Variants in CAMTA1 observed in about 807,000 individuals in gnomAD.
The protein encoded by CAMTA1 is calmodulin-binding transcription activator 1.
In CAMTA1, 27 loss-of-function variants were observed where a neutral mutation model predicts 170.9. That is an observed-to-expected ratio of 0.16 (90% CI 0.12 to 0.22). The LOEUF is 0.22. Ranked by LOEUF, CAMTA1 falls within the 10% of genes least tolerant of loss-of-function variation. The probability of loss-of-function intolerance (pLI) is 1.00; values close to 1 mark genes in which losing one functional copy is unlikely to be tolerated. For synonymous variants in CAMTA1, 833 were observed against 891.5 expected, an observed-to-expected ratio of 0.93 and a Z score of 1.17; for missense variants, 1,619 against 2,217.2, an observed-to-expected ratio of 0.73 and a Z score of 5.42.
chr1:7,396,814 T>C (rs1248622607), intron 5 of CAMTA1, among the ~76,000 whole-genome samples: 1 of 152,188 alleles, frequency 6.6e-6, no homozygotes, highest in Non-Finnish European at 1.5e-5. Context: ...CTTGCATATG[T>C]TGAACCATCC....
At chr1:6,995,460 C>T (rs775112734) in intron 3 of CAMTA1, among the ~76,000 whole-genome samples, 9 of 151,914 alleles carry the variant, frequency 5.9e-5, no homozygotes, top group Middle Eastern at 3.4e-3. Flanking sequence ...TGCGCCACCA[C>T]GCCCAGCTAA....
At chr1:7,381,962 G>T (rs964255269) in intron 5 of CAMTA1, among the ~76,000 whole-genome samples, 3 of 152,172 alleles carry the variant, frequency 2.0e-5, no homozygotes, top group African/African-American at 7.2e-5. Context: ...AACTGGCTGG[G>T]CAACTGGTTG....
intron 3 of CAMTA1, among the ~76,000 whole-genome samples, chr1:6,954,904 A>G (rs781311524): frequency 1.3e-5 from 2 of 151,874 alleles, no homozygotes; most frequent in Non-Finnish European, 2.9e-5. Flanking sequence ...TCCCCTTCTC[A>G]AGACCACCCT....
chr1:7,700,156 T>C (rs1404296809), intron 11 of CAMTA1, among the ~76,000 whole-genome samples: 2 of 151,482 alleles, frequency 1.3e-5, no homozygotes, highest in East Asian at 3.8e-4. Flanking sequence ...TTTGTAGCTT[T>C]ACCTCTTATA....
At chr1:7,490,522 C>T (rs1229118660) in intron 6 of CAMTA1, among the ~76,000 whole-genome samples, 3 of 152,166 alleles carry the variant, frequency 2.0e-5, no homozygotes, top group South Asian at 2.1e-4. Context: ...CGTAGTGGCA[C>T]GTGCCTGCAA....
chr1:7,351,705 G>T (rs138571277), intron 5 of CAMTA1, among the ~76,000 whole-genome samples: 1 of 152,160 alleles, frequency 6.6e-6, no homozygotes, highest in African/African-American at 2.4e-5. Flanking sequence ...GGCCGGGGTC[G>T]GATCAGTCAG....
chr1:7,502,041 A>C (rs897172117), intron 6 of CAMTA1, among the ~76,000 whole-genome samples: 1 of 152,176 alleles, frequency 6.6e-6, no homozygotes, highest in Non-Finnish European at 1.5e-5. Context: ...AGCCCCCCGG[A>C]GGAGGAAGCA....
chr1:7,156,148 C>T (rs930636292), intron 4 of CAMTA1, among the ~76,000 whole-genome samples: 1 of 151,330 alleles, frequency 6.6e-6, no homozygotes, highest in Admixed American at 6.6e-5. Flanking sequence ...TGTGGTGGCA[C>T]GTGTGATCCC....
chr1:6,933,207 A>G (rs1285449470), intron 3 of CAMTA1, among the ~76,000 whole-genome samples: 3 of 152,128 alleles, frequency 2.0e-5, no homozygotes, highest in Non-Finnish European at 4.4e-5. Context: ...CTACAGGTGC[A>G]TGCCATTGTG....
At chr1:6,944,935 A>G (rs1687331509) in intron 3 of CAMTA1, among the ~76,000 whole-genome samples, 1 of 152,204 alleles carries the variant, frequency 6.6e-6, no homozygotes, top group Non-Finnish European at 1.5e-5. Context: ...TAGTAAATGC[A>G]TTTCTGACTT....
chr1:7,068,557 C>T (rs982037166), intron 3 of CAMTA1, among the ~76,000 whole-genome samples: 1 of 152,010 alleles, frequency 6.6e-6, no homozygotes, highest in African/African-American at 2.4e-5. Flanking sequence ...GTGTGAGGTG[C>T]CAGAGAAAAT....
Position 7,768,321 on chromosome 1 carries a change from A to G in CAMTA1, c.*1830A>G, listed in dbSNP as rs896619705. On this transcript the variant is annotated 3_prime_UTR_variant, in exon 23 of 23. Coordinates refer to ENST00000303635, the MANE Select transcript of CAMTA1 (RefSeq NM_015215.4). ...CCAAAGAAATCTGATGTTTTTAACA[A>G]TTAAACTGCTAATGTTAAATTGAGA... The G allele has an allele frequency of 6.5e-6, 1 of 152,778 alleles. No individual in the cohort carries two copies. The highest frequency in any genetic ancestry group is 2.1e-4 in the South Asian group (1 of 4,832). 9.5% of individuals were successfully genotyped at this position (152,778 alleles called of 1,614,324 possible).
chr1:6,872,229 A>G (rs1205046934), intron 3 of CAMTA1, among the ~76,000 whole-genome samples: 1 of 140,612 alleles, frequency 7.1e-6, no homozygotes, highest in Non-Finnish European at 1.6e-5. Context: ...ATACACCCTC[A>G]CCATCACCAC....
rs1410672158 is a variant in CAMTA1 at position 6,971,430 on chromosome 1, A to T, written c.235-119874A>T. 6.6e-6 allele frequency among the ~76,000 whole-genome samples: 1 copy of T among 152,182 alleles called. No homozygotes were observed. The highest frequency in any genetic ancestry group is 1.9e-4 in the East Asian group (1 of 5,198). ...TAAATAGAAATCCTGAAATTGTGCT[A>T]TCCCAAACTGTTTGCAAGCCCCTCA... On this transcript the variant is annotated intron_variant, in intron 3 of 22. Transcript: ENST00000303635. This position sits in a 1 kb window ranked among gnomAD's most constrained non-coding sequence, Gnocchi z 4.6.
At chr1:7,653,070 G>A (rs1453048481) in intron 7 of CAMTA1, among the ~76,000 whole-genome samples, 2 of 151,838 alleles carry the variant, frequency 1.3e-5, no homozygotes, top group South Asian at 4.1e-4. Flanking sequence ...GTGGATGCTG[G>A]GCCCCAAACC....
intron 22 of CAMTA1, among the ~76,000 whole-genome samples, chr1:7,765,871 C>A (rs1316395040): frequency 6.6e-6 from 1 of 151,840 alleles, no homozygotes; most frequent in African/African-American, 2.4e-5. Context: ...CTAAAAAATA[C>A]AGAAAATTAG....
intron 6 of CAMTA1, among the ~76,000 whole-genome samples, chr1:7,530,504 A>G (rs989616448): frequency 1.3e-5 from 2 of 152,080 alleles, no homozygotes; most frequent in Non-Finnish European, 2.9e-5. Context: ...GTCGCTGTCC[A>G]CTGTAACCCA....
chr1:7,659,771 T>C (rs2095938579), intron 7 of CAMTA1, among the ~76,000 whole-genome samples: 1 of 152,248 alleles, frequency 6.6e-6, no homozygotes. Flanking sequence ...GTCATTACTG[T>C]CATCACCATC....
intron 3 of CAMTA1, among the ~76,000 whole-genome samples, chr1:6,851,030 A>G (rs979337651): frequency 3.3e-5 from 5 of 152,178 alleles, no homozygotes; most frequent in African/African-American, 1.2e-4. Flanking sequence ...GATGAGCTCT[A>G]TGTTTATTTA....
Sources: gnomAD v4.1 joint callset for allele counts (sites outside exome capture counted in the v4.1 genomes callset) on GRCh38, gnomAD v4.1.1 for gene constraint, Gnocchi (gnomAD v3.1) non-coding constraint, MANE v1.5 for transcripts, NCBI Gene and HGNC (gene_info 2026-07-23, HGNC 2026-07-21) for gene names.